HMCN2: variants seen among roughly 807,000 people sequenced by gnomAD.
HMCN2 encodes the protein hemicentin-2.
A neutral mutation model predicts 377.5 loss-of-function variants in HMCN2; 325 were observed. That is an observed-to-expected ratio of 0.86 (90% CI 0.79 to 0.94). The LOEUF is 0.94. HMCN2 is among the 40% of genes least tolerant of loss of function. The probability of loss-of-function intolerance (pLI) is 0.00; values close to 1 mark genes in which losing one functional copy is unlikely to be tolerated. For synonymous variants in HMCN2, 2,007 were observed against 2,046.8 expected (o/e 0.98, Z 0.53); for missense variants, 4,543 against 4,725.3 (o/e 0.96, Z 1.13).
intron 62 of HMCN2, among the ~76,000 whole-genome samples, chr9:130,388,755 G>T (rs914401026): frequency 1.3e-5 from 2 of 151,654 alleles, no homozygotes; most frequent in East Asian, 1.9e-4. Flanking sequence ...CTCCTGTGAG[G>T]GTTTGGAAGC....
Position 130,339,835 on chromosome 9 carries a change from T to C in HMCN2, c.3488-1276T>C, listed in dbSNP as rs941086544. Among the ~76,000 whole-genome samples, 1,072 of 152,342 alleles carry C rather than the reference T, an allele frequency of 7.0e-3. 12 individuals carry two copies. The highest frequency in any genetic ancestry group is 0.025 in the African/African-American group (1,022 of 41,580). On this transcript the variant is annotated intron_variant, in intron 23 of 97. Transcript: ENST00000683500. ...ATGGGTGGTTTTATATCCAGGCTCCTTCTCAGAAGCTGCGTAGGGGGTGGG... is the reference window on the plus strand; with the variant it reads ...ATGGGTGGTTTTATATCCAGGCTCCCTCTCAGAAGCTGCGTAGGGGGTGGG...
In HMCN2 at chr9:130,349,565, C is replaced by T. The variant is rs762202514; in HGVS notation, c.4332C>T (p.Ala1444=). Residue 1444 remains alanine (A), a synonymous_variant, in exon 29 of 98, where the codon GCC becomes GCT. Coordinates refer to ENST00000683500, the MANE Select transcript of HMCN2 (RefSeq NM_001291815.2). ...CTCCTTCCGTGCTTGGAGCCGGGGC[C>T]GCTCAGGAGGTGCTAGGATTGGCCG... The part of the protein sequence containing the change: ...LTPPSVLGAG[A]AQEVLGLAGA... The T allele has an allele frequency of 6.1e-6, 8 of 1,303,328 alleles. No individual in the cohort carries two copies. The Admixed American group carries it at 6.9e-5, about 11-fold the overall frequency. The allele number at this position is 1,303,328 out of a possible 1,614,324, so 80.7% of individuals were successfully genotyped here.
In HMCN2 at chr9:130,410,635, T is replaced by G; in HGVS notation, c.12944T>G (p.Val4315Gly). Residue 4315 changes from valine (V) to glycine (G), a missense_variant, in exon 85 of 98, where the codon GTG becomes GGG. This residue lies in a region of HMCN2 where 1,155 missense variants were observed against 1,157.7 expected (regional missense o/e 1.00). Transcript: ENST00000683500. ...GAGATGGGCGTGGCGAAGAAAGTGG[T>G]GATCCTCGTCCTGCAGAGTGAGTCT... ...ENEMGVAKKV[V>G]ILVLQSAPVF... The G allele has an allele frequency of 6.4e-7, 1 of 1,550,570 alleles. No homozygotes were observed. Among genetic ancestry groups the G allele is most frequent in the Non-Finnish European group, 8.7e-7 (1 of 1,146,970 alleles).
At position 130,391,449 on chromosome 9, in the gene HMCN2, G is replaced by A. The variant is rs866250067; in HGVS notation, c.9828-1G>A. The stretch of plus-strand genomic sequence containing the variant: ...CCCTGGGCCCTCCTTCCCTGTGGCA[G>A]GTTCTACCTGGACGGCGGCTCCCTG... On this transcript the variant is annotated splice_acceptor_variant, in intron 64 of 97. Coordinates refer to ENST00000683500, the MANE Select transcript of HMCN2 (RefSeq NM_001291815.2). LOFTEE classifies it high-confidence loss of function. The A allele has an allele frequency of 4.0e-6, 4 of 987,778 alleles. No individual in the cohort carries two copies. The highest frequency in any genetic ancestry group is 1.2e-4 in the Admixed American group (2 of 16,280). The allele number at this position is 987,778 out of a possible 1,614,324, so 61.2% of individuals were successfully genotyped here.
At chr9:130,295,330 A>G (rs1186824219) in intron 5 of HMCN2, among the ~76,000 whole-genome samples, 1 of 151,842 alleles carries the variant, frequency 6.6e-6, no homozygotes, top group Non-Finnish European at 1.5e-5. Context: ...CTTGTAGCAT[A>G]TTGTACAGAT....
chr9:130,385,821 C>T (rs981302855), intron 60 of HMCN2, 59 bp downstream of exon 60: 10 of 1,198,232 alleles, frequency 8.3e-6, no homozygotes, highest in African/African-American at 1.6e-5. Context: ...GCCTCCCAGC[C>T]CTGGCGAGCT....
At chr9:130,278,618 T>C (rs1221868986) in intron 1 of HMCN2, among the ~76,000 whole-genome samples, 1 of 152,042 alleles carries the variant, frequency 6.6e-6, no homozygotes, top group Admixed American at 6.6e-5. Context: ...GTTTTGCTCT[T>C]GTTGCCCAGG....
At chr9:130,354,646 G>T (rs943274941) in intron 31 of HMCN2, 117 bp from the exon 32 acceptor site, 2 of 877,638 alleles carry the variant, frequency 2.3e-6, no homozygotes, top group Non-Finnish European at 3.1e-6. Context: ...GGTGAGGGAA[G>T]GAAGTGTTTC....
chr9:130,267,938 G>T (rs1554919807), intron 1 of HMCN2, among the ~76,000 whole-genome samples: 1 of 152,190 alleles, frequency 6.6e-6, no homozygotes, highest in African/African-American at 2.4e-5. Context: ...TGGGGCTTCC[G>T]AAGACATCAC....
In HMCN2 at chr9:130,433,551, C is replaced by A. The variant is rs537244367; in HGVS notation, c.15098C>A (p.Pro5033Gln). The change falls in exon 98 of 98, where the codon CCG (proline) becomes CAG (glutamine). Residue 5033 changes from proline (P) to glutamine (Q), a missense_variant. Physicochemically the swap from Pro to Gln is moderately conservative, Grantham distance 76. This residue lies in a region of HMCN2 where 1,155 missense variants were observed against 1,157.7 expected (regional missense o/e 1.00). Coordinates refer to ENST00000683500, the MANE Select transcript of HMCN2 (RefSeq NM_001291815.2). ...PDPRSPFALR[P>Q]LRAGLGAVYT... ...CCCCGCAGCCCCTTCGCGCTGCGTC[C>A]GCTGCGCGCGGGCCTTGGCGCGGTC... is the stretch of plus-strand genomic sequence containing the variant. 4 of 1,469,462 alleles carry A rather than the reference C, an allele frequency of 2.7e-6. No homozygotes were observed. In the African/African-American group the frequency reaches 5.9e-5, roughly 22 times the overall value. 91.0% of individuals were successfully genotyped at this position (1,469,462 alleles called of 1,614,324 possible). A position where few individuals can be genotyped will look rare whatever the true frequency, so the allele number is the denominator to read the frequency against.
In HMCN2 at chr9:130,361,500, G is replaced by A. The variant is rs1484626256; in HGVS notation, c.5951-508G>A. On this transcript the variant is annotated intron_variant, in intron 38 of 97. Transcript: ENST00000683500. This position sits in a 1 kb window ranked among gnomAD's most constrained non-coding sequence, Gnocchi z 4.8. ...GGACCTCTTGGGCCTCATGGGCCAT[G>A]GGAGAGGTTGGTTCTAAGAGCAGTG... Among the ~76,000 whole-genome samples, 1 of 152,224 alleles carries A rather than the reference G, an allele frequency of 6.6e-6. No homozygotes were observed. Among genetic ancestry groups the A allele is most frequent in the Non-Finnish European group, 1.5e-5 (1 of 68,044 alleles).
rs1838104444 is a variant in HMCN2, at chr9:130,325,830, C to T, written c.3053C>T (p.Ser1018Phe). The T allele has an allele frequency of 6.6e-6, 1 of 152,354 alleles. No individual in the cohort carries two copies. Among genetic ancestry groups the T allele is most frequent in the Non-Finnish European group, 1.5e-5 (1 of 68,132 alleles). 9.4% of individuals were successfully genotyped at this position (152,354 alleles called of 1,614,324 possible). The stretch of plus-strand genomic sequence containing the variant: ...CCCTAGGAAACCAATGCCCTGACCT[C>T]CAGAGGTCCCCACTACAATGTGAGT... The part of the protein sequence containing the change: ...TWTKETNALT[S>F]RGPHYNVSKE... The change falls in exon 21 of 98, where the codon TCC becomes TTC. Residue 1018 changes from serine (S) to phenylalanine (F), a missense_variant. Coordinates refer to ENST00000683500, the MANE Select transcript of HMCN2 (RefSeq NM_001291815.2).
chr9:130,355,883 T>C (rs1354096165), intron 33 of HMCN2, 29 bp downstream of exon 33: 2 of 1,229,228 alleles, frequency 1.6e-6, no homozygotes, highest in South Asian at 2.5e-5. Context: ...AGGCCAGGGC[T>C]GGGGGTAGGC....
chr9:130,427,599 G>T lies in HMCN2; in HGVS notation c.14045G>T (p.Trp4682Leu). 6.5e-7 allele frequency: 1 copy of T among 1,550,366 alleles called. No individual in the cohort carries two copies. The highest frequency in any genetic ancestry group is 8.7e-7 in the Non-Finnish European group (1 of 1,146,954). The change falls in exon 92 of 98, where the codon TGG becomes TTG. Residue 4682 changes from tryptophan (W) to leucine (L), a missense_variant. By Grantham distance (61) the Trp-to-Leu change is moderately conservative. Around this residue, in one of 5 missense-constraint regions of HMCN2, gnomAD observed 1,155 missense variants for 1,157.7 expected, o/e 1.00. Coordinates refer to ENST00000683500, the MANE Select transcript of HMCN2 (RefSeq NM_001291815.2). ...CTCPTGFALA[W>L]DDRNCRDVDE... The stretch of plus-strand genomic sequence containing the variant: ...TGCCCCACTGGCTTCGCCCTGGCCT[G>T]GGATGACAGGAACTGCAGAGGTGAG...
At position 130,338,023 on chromosome 9, in the gene HMCN2, T is replaced by A. The variant is rs1341222041; in HGVS notation, c.3487+2T>A. ...ATCGCTACGTCCTTGGGGTGCAAGG[T>A]AGGACCAGCTGGCAGCCCCAGTCCC... is the stretch of plus-strand genomic sequence containing the variant. On this transcript the variant is annotated splice_donor_variant, in intron 23 of 97. Coordinates refer to ENST00000683500, the MANE Select transcript of HMCN2 (RefSeq NM_001291815.2). LOFTEE classifies it high-confidence loss of function. 2 of 152,518 alleles carry A rather than the reference T, an allele frequency of 1.3e-5. No individual in the cohort carries two copies. The highest frequency in any genetic ancestry group is 4.8e-5 in the African/African-American group (2 of 41,396). 9.4% of individuals were successfully genotyped at this position (152,518 alleles called of 1,614,324 possible).
At position 130,425,010 on chromosome 9, in the gene HMCN2, G is replaced by C; in HGVS notation, c.13521G>C (p.Gly4507=). 1 of 1,544,286 alleles carries C rather than the reference G, an allele frequency of 6.5e-7. No homozygotes were observed. The change falls in exon 89 of 98, where the codon GGG becomes GGC. Residue 4507 remains glycine (G), a splice_region_variant and synonymous_variant. Transcript: ENST00000683500. ...GGGCTGGGTGGGGATGGTTTGCAGG[G>C]GAGCTGCTCACGATGACCCAGGTGG... ...RQESHVEFAT[G]ELLTMTQVAR... is the part of the protein sequence containing the mutation.
intron 59 of HMCN2, 29 bp downstream of exon 59, chr9:130,384,827 C>G (rs774964274): frequency 9.0e-5 from 112 of 1,248,846 alleles, no homozygotes; most frequent in Non-Finnish European, 5.4e-5. Flanking sequence ...CCAACTTGTA[C>G]TGTCCCCACT....
intron 80 of HMCN2, among the ~76,000 whole-genome samples, chr9:130,404,388 C>T (rs947092033): frequency 1.3e-5 from 2 of 152,190 alleles, no homozygotes; most frequent in African/African-American, 2.4e-5. Flanking sequence ...AGGATTCCTC[C>T]GCTTCTTGTC....
chr9:130,410,219 C>G (rs1025762623), intron 84 of HMCN2, among the ~76,000 whole-genome samples: 1 of 152,182 alleles, frequency 6.6e-6, no homozygotes, highest in African/African-American at 2.4e-5. Context: ...GAACCCTGTT[C>G]TCCAAGGAGT....
Sources: allele counts gnomAD v4.1 joint callset (sites outside exome capture counted in the v4.1 genomes callset), GRCh38; gene constraint gnomAD v4.1.1; regional missense constraint gnomAD v4.1.1; non-coding constraint Gnocchi (gnomAD v3.1); transcripts MANE v1.5; gene names NCBI Gene and HGNC (gene_info 2026-07-23, HGNC 2026-07-21).